Variants in CTNNA3 observed in about 807,000 individuals in gnomAD.
The protein encoded by CTNNA3 is catenin alpha-3.
Under a neutral mutation model 95.7 loss-of-function variants are expected in CTNNA3, and 76 were observed. That is an observed-to-expected ratio of 0.79 (90% CI 0.66 to 0.96). CTNNA3 has a LOEUF of 0.96. Among genes scored for constraint, CTNNA3 ranks in the 40% least tolerant of loss-of-function variants. CTNNA3 has a pLI of 0.00. For missense variants in CTNNA3, 1,191 were observed against 1,089.8 expected, an observed-to-expected ratio of 1.09 and a Z score of -1.31; for synonymous variants, 431 against 374.4, an observed-to-expected ratio of 1.15 and a Z score of -1.74.
At chr10:66,311,711 A>T (rs1193951562) in intron 12 of CTNNA3, among the ~76,000 whole-genome samples, 10 of 152,214 alleles carry the variant, frequency 6.6e-5, no homozygotes, top group African/African-American at 2.2e-4. Flanking sequence ...GAAAGATACC[A>T]CAACTAAAAA....
At chr10:66,219,218 G>A (rs1423445600) in intron 13 of CTNNA3, among the ~76,000 whole-genome samples, 1 of 152,050 alleles carries the variant, frequency 6.6e-6, no homozygotes, top group Non-Finnish European at 1.5e-5. Context: ...GCTTTGTGGG[G>A]TATCGGGGGT....
At position 67,341,991 on chromosome 10, in the gene CTNNA3, T is replaced by G. The variant is rs570490928; in HGVS notation, c.580-122121A>C. Among the ~76,000 whole-genome samples the G allele has an allele frequency of 1.2e-3, 140 of 115,414 alleles. 1 individual carries two copies. Among genetic ancestry groups the G allele is most frequent in the African/African-American group, 4.0e-3 (130 of 32,826 alleles). The allele number at this position is 115,414 out of a possible 152,430, so 75.7% of individuals were successfully genotyped here. A position where few individuals can be genotyped will look rare whatever the true frequency, so the allele number is the denominator to read the frequency against. ...TATGCCTTTTTGCCATTTATGTGTC[T>G]TTTTTTTGCCTCAAACTCCATCTAT... On this transcript the variant is annotated intron_variant, in intron 5 of 17. Coordinates refer to ENST00000433211, the MANE Select transcript of CTNNA3 (RefSeq NM_013266.4).
chr10:67,262,547 G>A (rs1048698431), intron 5 of CTNNA3, among the ~76,000 whole-genome samples: 2 of 152,288 alleles, frequency 1.3e-5, no homozygotes, highest in South Asian at 4.1e-4. Context: ...AGTCTAGAAT[G>A]TGAGAGGTCT....
At chr10:66,563,163 CAGTATAGAATAACCACTGCTTT>C (rs1842604652) in intron 10 of CTNNA3, among the ~76,000 whole-genome samples, 1 of 152,024 alleles carries the variant, frequency 6.6e-6, no homozygotes, top group Non-Finnish European at 1.5e-5. Flanking sequence ...TTAAATAATG[CAGTATAGAATAACCACTGCTTT>C]TTTCTTTCAA....
chr10:66,344,683 T>G (rs1191863699), intron 12 of CTNNA3, among the ~76,000 whole-genome samples: 1 of 152,120 alleles, frequency 6.6e-6, no homozygotes, highest in Non-Finnish European at 1.5e-5. Context: ...TAAAGTCTTC[T>G]CTCTATGGTC....
At chr10:67,720,405 T>C (rs1441522374) in intron 1 of CTNNA3, among the ~76,000 whole-genome samples, 1 of 151,886 alleles carries the variant, frequency 6.6e-6, no homozygotes, top group Non-Finnish European at 1.5e-5. Context: ...ATTATGATGC[T>C]AGCTGGTTAT....
intron 9 of CTNNA3, among the ~76,000 whole-genome samples, chr10:66,674,426 A>G (rs1181568546): frequency 2.6e-5 from 4 of 152,020 alleles, no homozygotes; most frequent in South Asian, 2.1e-4. Context: ...GCCTTGGGTT[A>G]GCACTTTCCT....
At chr10:67,722,804 G>C (rs1024593550) in intron 1 of CTNNA3, among the ~76,000 whole-genome samples, 1 of 152,042 alleles carries the variant, frequency 6.6e-6, no homozygotes, top group African/African-American at 2.4e-5. Context: ...TATATTTTCA[G>C]ATTTCCAATA....
chr10:67,348,909 G>A (rs1030624974), intron 5 of CTNNA3, among the ~76,000 whole-genome samples: 1 of 151,894 alleles, frequency 6.6e-6, no homozygotes, highest in African/African-American at 2.4e-5. Flanking sequence ...TTTTTAAATG[G>A]GGCAAAAAAA....
intron 9 of CTNNA3, among the ~76,000 whole-genome samples, chr10:66,738,859 C>T (rs1849233817): frequency 6.6e-6 from 1 of 152,056 alleles, no homozygotes; most frequent in African/African-American, 2.4e-5. Context: ...CTTCTATTTC[C>T]CGCACTACTG....
intron 11 of CTNNA3, among the ~76,000 whole-genome samples, chr10:66,455,222 A>G (rs2093488328): frequency 2.0e-5 from 3 of 152,134 alleles, no homozygotes. Context: ...TGTTCACTCT[A>G]ACTTCTCCCA....
chr10:66,572,728 G>T (rs1423834943), intron 10 of CTNNA3, among the ~76,000 whole-genome samples: 1 of 152,046 alleles, frequency 6.6e-6, no homozygotes, highest in Admixed American at 6.6e-5. Flanking sequence ...AAATATCTTT[G>T]TATTTAAAAG....
chr10:67,367,784 T>C (rs1843271041), intron 5 of CTNNA3, among the ~76,000 whole-genome samples: 1 of 152,114 alleles, frequency 6.6e-6, no homozygotes, highest in African/African-American at 2.4e-5. Context: ...ATATCCTAAG[T>C]GAACTAATGC....
intron 5 of CTNNA3, among the ~76,000 whole-genome samples, chr10:67,508,607 T>G (rs922159316): frequency 6.6e-6 from 1 of 152,156 alleles, no homozygotes; most frequent in Admixed American, 6.5e-5. Context: ...CACAATTTTT[T>G]TAAATATGAT....
In CTNNA3 at chr10:67,208,378, C is replaced by CAAAAAAAAAAAAA. The variant is rs3056794; in HGVS notation, c.843+11216_843+11228dup. Among the ~76,000 whole-genome samples the CAAAAAAAAAAAAA allele has an allele frequency of 7.3e-3, 681 of 92,964 alleles. 29 individuals are homozygous for CAAAAAAAAAAAAA. In the East Asian group the frequency reaches 0.11, roughly 15 times the overall value. The allele number at this position is 92,964 out of a possible 152,430, so 61.0% of individuals were successfully genotyped here. A position where few individuals can be genotyped will look rare whatever the true frequency, so the allele number is the denominator to read the frequency against. On this transcript the variant is annotated intron_variant, in intron 6 of 17. Transcript: ENST00000433211. ...TGGGTGACAGAGCAAGACTCTGTCT[C>CAAAAAAAAAAAAA]AAAAAAAAAAAAAAAAATAGCCACA...
chr10:66,729,831 G>A (rs915459550), intron 9 of CTNNA3, among the ~76,000 whole-genome samples: 15 of 152,142 alleles, frequency 9.9e-5, no homozygotes, highest in Non-Finnish European at 1.6e-4. Context: ...TAGGCCAGGC[G>A]TGGTGGCTCA....
At chr10:66,926,288 C>T (rs1007839800) in intron 7 of CTNNA3, 5 of 504,864 alleles carry the variant, frequency 9.9e-6, no homozygotes, top group African/African-American at 2.0e-5. Context: ...CCCCTCCCCA[C>T]CCCCCAAAAA....
intron 1 of CTNNA3, among the ~76,000 whole-genome samples, chr10:67,692,224 C>A (rs1254145369): frequency 9.3e-5 from 14 of 150,828 alleles, no homozygotes; most frequent in African/African-American, 3.4e-4. Flanking sequence ...CGGCCACCAC[C>A]CCGTCTGGGA....
At position 66,326,160 on chromosome 10, in the gene CTNNA3, G is replaced by A. The variant is rs910954292; in HGVS notation, c.1733-45539C>T. Among the ~76,000 whole-genome samples the A allele has an allele frequency of 1.6e-4, 24 of 152,054 alleles. 2 individuals carry two copies. The highest frequency in any genetic ancestry group is 1.6e-3 in the Admixed American group (24 of 15,264). ...TGTAAATGACTACATTGGATTACAA[G>A]ATACTTTACCACACAACTTAGAAGA... On this transcript the variant is annotated intron_variant, in intron 12 of 17. Coordinates refer to ENST00000433211, the MANE Select transcript of CTNNA3 (RefSeq NM_013266.4).
Sources: gnomAD v4.1 joint callset for allele counts (sites outside exome capture counted in the v4.1 genomes callset) on GRCh38, gnomAD v4.1.1 for gene constraint, MANE v1.5 for transcripts, NCBI Gene and HGNC (gene_info 2026-07-23, HGNC 2026-07-21) for gene names.